Variants in TRNT1 observed in about 807,000 individuals in gnomAD.
TRNT1 encodes the protein tRNA nucleotidyl transferase 1, also known as CCA tRNA nucleotidyltransferase 1, mitochondrial.
TRNT1 carries 44 observed loss-of-function variants against 45.6 expected under a neutral mutation model. That is an observed-to-expected ratio of 0.97 (90% CI 0.76 to 1.24). The LOEUF is 1.24. Ranked by LOEUF, TRNT1 falls within the 50% of genes most tolerant of loss-of-function variation. TRNT1 has a pLI of 0.00. For synonymous variants in TRNT1, 201 were observed against 171.4 expected (o/e 1.17, Z -1.35); for missense variants, 633 against 504.4 (o/e 1.25, Z -2.44).
chr3:3,128,820 G>C (rs1168025820), intron 1 of TRNT1, among the ~76,000 whole-genome samples, 194 bp from the exon 2 acceptor site: 6 of 152,094 alleles, frequency 3.9e-5, no homozygotes, highest in Non-Finnish European at 8.8e-5. Context: ...GCCACAGTAA[G>C]TGCTTCTGGA....
At chr3:3,135,756 A>G (rs1468393385) in intron 2 of TRNT1, among the ~76,000 whole-genome samples, 2 of 152,288 alleles carry the variant, frequency 1.3e-5, no homozygotes, top group South Asian at 2.1e-4. Context: ...ACTTTGATGT[A>G]TGATGAGTTT....
At chr3:3,129,845 G>A (rs919731677) in intron 2 of TRNT1, 1 of 1,548,502 alleles carries the variant, frequency 6.5e-7, no homozygotes, top group African/African-American at 1.4e-5. Flanking sequence ...ACTAACTAGA[G>A]AGCTAGGTTT....
At chr3:3,134,268 C>T (rs554551331) in intron 2 of TRNT1, among the ~76,000 whole-genome samples, 15 of 152,086 alleles carry the variant, frequency 9.9e-5, no homozygotes, top group South Asian at 4.2e-4. Context: ...CTTGATAGTC[C>T]CTGCTGTTTT....
downstream of TRNT1, chr3:3,153,192 GT>G (rs1229105750): frequency 2.1e-6 from 1 of 466,682 alleles, no homozygotes; most frequent in African/African-American, 2.0e-5. Flanking sequence ...GAATTTCTCA[GT>G]TGTTTTACTT....
chr3:3,148,175 C>T lies in TRNT1; in HGVS notation c.*21C>T, dbSNP rs762327777. On this transcript the variant is annotated 3_prime_UTR_variant, in exon 8 of 8. Coordinates refer to ENST00000251607, the MANE Select transcript of TRNT1 (RefSeq NM_182916.3). The stretch of plus-strand genomic sequence containing the variant: ...CCTAAAACTGATGGCTACTAAAAAG[C>T]AGAGCATTTCTGGTAAGACTAAATT... 6.2e-7 allele frequency: 1 copy of T among 1,607,052 alleles called. No homozygotes were observed. The highest frequency in any genetic ancestry group is 1.3e-5 in the African/African-American group (1 of 74,556).
At chr3:3,152,769 A>T (rs1246451468), downstream of TRNT1, among the ~76,000 whole-genome samples, 1 of 152,202 alleles carries the variant, frequency 6.6e-6, no homozygotes, top group Non-Finnish European at 1.5e-5. Context: ...GCTGGCAGAC[A>T]GGCCTGTTTT....
At chr3:3,132,714 ACATATACCTATTGAAGG>A (rs1705083028) in intron 2 of TRNT1, among the ~76,000 whole-genome samples, 1 of 141,660 alleles carries the variant, frequency 7.1e-6, no homozygotes, top group African/African-American at 2.7e-5. Context: ...ATAAAAAAAA[ACATATACCTATTGAAGG>A]AAAAAAAAAA....
intron 1 of TRNT1, chr3:3,127,271 C>G (rs1364246493): frequency 3.9e-5 from 6 of 152,320 alleles, no homozygotes; most frequent in Admixed American, 2.0e-4. Flanking sequence ...GGCCTTGTCG[C>G]CAGCACCCGG....
rs1346806241 is a variant in TRNT1 at position 3,146,541 on chromosome 3, G to A, written c.720G>A (p.Val240=). 1.9e-6 allele frequency: 3 copies of A among 1,613,814 alleles called. No individual in the cohort carries two copies. Among genetic ancestry groups the A allele is most frequent in the Admixed American group, 1.7e-5 (1 of 59,972 alleles). ...GAATATCAGGAGAAAGGATTTGGGT[G>A]GAACTGAAAAAAATTCTTGTTGGTA... is the stretch of plus-strand genomic sequence containing the variant. ...LAGISGERIW[V]ELKKILVGNH... The change falls in exon 6 of 8, where the codon GTG becomes GTA. Residue 240 remains valine (V), a synonymous_variant. Transcript: ENST00000251607.
rs1705595191 is a variant in TRNT1 at position 3,140,687 on chromosome 3, G to C, written c.481+39G>C. 2.5e-6 allele frequency: 4 copies of C among 1,591,250 alleles called. No individual in the cohort carries two copies. In the East Asian group the frequency reaches 9.0e-5, roughly 36 times the overall value. On this transcript the variant is annotated intron_variant, in intron 4 of 7. Coordinates refer to ENST00000251607, the MANE Select transcript of TRNT1 (RefSeq NM_182916.3). ...ATAAAACCATATTGTGAGTCTATCA[G>C]AATGCCTTCTTTTCAAGTAAAACCT...
chr3:3,147,347 A>T, intron 6 of TRNT1, 103 bp from the exon 7 acceptor site: 1 of 1,302,788 alleles, frequency 7.7e-7, no homozygotes, highest in Non-Finnish European at 1.1e-6. Context: ...AATGTATCCT[A>T]GTGACAAAGC....
downstream of TRNT1, chr3:3,151,168 AT>A (rs1706515802): frequency 6.8e-6 from 7 of 1,035,854 alleles, no homozygotes; most frequent in East Asian, 1.8e-4. Context: ...CTAAGTTGAG[AT>A]TTGATCCATA....
At position 3,148,840 on chromosome 3, in the gene TRNT1, G is replaced by GTATT. The variant is rs937396849; in HGVS notation, c.*687_*690dup. The GTATT allele has an allele frequency of 1.3e-5, 2 of 152,046 alleles. No individual in the cohort carries two copies. The highest frequency in any genetic ancestry group is 2.9e-5 in the Non-Finnish European group (2 of 67,984). 9.4% of individuals were successfully genotyped at this position (152,046 alleles called of 1,614,324 possible). A position where few individuals can be genotyped will look rare whatever the true frequency, so the allele number is the denominator to read the frequency against. On this transcript the variant is annotated 3_prime_UTR_variant, in exon 8 of 8. Coordinates refer to ENST00000251607, the MANE Select transcript of TRNT1 (RefSeq NM_182916.3). ...TATTGTTTTAATAAAACAAACATTG[G>GTATT]TATTGGAAGATAAATATGTTTATGT...
At chr3:3,152,675 A>C (rs926339274), downstream of TRNT1, 4 of 1,485,108 alleles carry the variant, frequency 2.7e-6, no homozygotes, top group South Asian at 3.5e-5. Flanking sequence ...GTTCACCAAG[A>C]AATGAGGTAT....
chr3:3,128,290 C>T (rs1244864572), intron 1 of TRNT1, among the ~76,000 whole-genome samples: 2 of 152,178 alleles, frequency 1.3e-5, no homozygotes, highest in Admixed American at 6.5e-5. Context: ...TAATTCTAAA[C>T]GGGTCCTGTT....
chr3:3,149,187 T>G (rs1313202692), downstream of TRNT1: 1 of 152,136 alleles, frequency 6.6e-6, no homozygotes, highest in Non-Finnish European at 1.5e-5. Flanking sequence ...AGAGGAAATG[T>G]CACAGGGGCT....
chr3:3,152,522 G>GT, downstream of TRNT1: 3 of 1,613,880 alleles, frequency 1.9e-6, no homozygotes, highest in South Asian at 1.1e-5. Context: ...CTTATACACA[G>GT]TAAGTGTCTC....
chr3:3,149,790 T>C (rs1706360269), downstream of TRNT1: 2 of 152,208 alleles, frequency 1.3e-5, no homozygotes, highest in Admixed American at 1.3e-4. Flanking sequence ...CTTCAAGGCA[T>C]GTATTTTGGC....
intron 4 of TRNT1, among the ~76,000 whole-genome samples, chr3:3,143,515 C>T (rs1705789900): frequency 6.6e-6 from 1 of 152,176 alleles, no homozygotes; most frequent in South Asian, 2.1e-4. Flanking sequence ...GCCCATTTAA[C>T]CACACCCTTG....
Sources: gnomAD v4.1 joint callset for allele counts (sites outside exome capture counted in the v4.1 genomes callset) on GRCh38, gnomAD v4.1.1 for gene constraint, MANE v1.5 for transcripts, NCBI Gene and HGNC (gene_info 2026-07-23, HGNC 2026-07-21) for gene names.